Variants in ADGRA2 observed in about 807,000 individuals in gnomAD.
ADGRA2 encodes adhesion G protein-coupled receptor A2.
ADGRA2 carries 61 observed loss-of-function variants against 98.7 expected under a neutral mutation model. That is an observed-to-expected ratio of 0.62 (90% CI 0.50 to 0.76). The LOEUF is 0.76. Among genes scored for constraint, ADGRA2 ranks in the 30% least tolerant of loss-of-function variants. ADGRA2 has a pLI of 0.00. For synonymous variants in ADGRA2, 858 were observed against 831.5 expected (o/e 1.03, Z -0.55); for missense variants, 1,712 against 1,860.0 (o/e 0.92, Z 1.46).
chr8:37,826,002 C>T (rs541752013), intron 2 of ADGRA2, among the ~76,000 whole-genome samples: 4 of 152,126 alleles, frequency 2.6e-5, no homozygotes, highest in African/African-American at 9.7e-5. Flanking sequence ...TGCAGGAAAT[C>T]GAGGGCAGGA....
intron 2 of ADGRA2, among the ~76,000 whole-genome samples, chr8:37,823,188 AC>A (rs1361218744): frequency 7.6e-6 from 1 of 131,068 alleles, no homozygotes; most frequent in East Asian, 2.2e-4. Context: ...ACCATGCCCA[AC>A]CTTTTTTTTT....
Position 37,830,690 on chromosome 8 carries a change from C to G in ADGRA2, c.719-20C>G, listed in dbSNP as rs1805427689. 1.0e-5 allele frequency: 16 copies of G among 1,567,162 alleles called. No homozygotes were observed. Among genetic ancestry groups the G allele is most frequent in the Non-Finnish European group, 1.0e-5 (12 of 1,151,922 alleles). The stretch of plus-strand genomic sequence containing the variant: ...CATGCGTGTGCACTCGGGCCTCACG[C>G]CTGGTGTCTCCTCCCACAGAGGGGG... On this transcript the variant is annotated intron_variant, in intron 6 of 18. Transcript: ENST00000412232. This position sits in a 1 kb window ranked among gnomAD's most constrained non-coding sequence, Gnocchi z 4.8.
rs1461145040 is a variant in ADGRA2, at chr8:37,841,319, C to G, written c.2981C>G (p.Ala994Gly). The change falls in exon 19 of 19, where the codon GCT becomes GGT. Residue 994 changes from alanine (A) to glycine (G), a missense_variant. By Grantham distance (60) the Ala-to-Gly change is moderately conservative. Transcript: ENST00000412232. This position sits in a 1 kb window ranked among gnomAD's most constrained non-coding sequence, Gnocchi z 5.0. Reference protein sequence around the residue: ...PLLSDSGSLLATGSARVGTPG... With the variant: ...PLLSDSGSLLGTGSARVGTPG... The stretch of plus-strand genomic sequence containing the variant: ...CTGAGTGACTCAGGTTCCCTTCTTG[C>G]TACTGGGAGCGCGCGAGTGGGGACG... 6.2e-7 allele frequency: 1 copy of G among 1,607,006 alleles called. No homozygotes were observed. Among genetic ancestry groups the G allele is most frequent in the Non-Finnish European group, 8.5e-7 (1 of 1,176,890 alleles).
At position 37,814,896 on chromosome 8, in the gene ADGRA2, G is replaced by C. The variant is rs147667728; in HGVS notation, c.267G>C (p.Leu89=). The C allele has an allele frequency of 1.7e-5, 28 of 1,609,734 alleles. No homozygotes were observed. Among genetic ancestry groups the C allele is most frequent in the Middle Eastern group, 1.6e-4 (1 of 6,078 alleles). The part of the protein sequence containing the change: ...PGLLPNGTVT[L]LLSNNKITGL... ...GTCTGTGTCCTCTCTGTCTCTTCAG[G>C]CTCTTGAGCAATAACAAGATCACGG... Residue 89 remains leucine (L), a splice_region_variant and synonymous_variant, in exon 2 of 19, where the codon CTG becomes CTC. Coordinates refer to ENST00000412232, the MANE Select transcript of ADGRA2 (RefSeq NM_032777.10). The surrounding 1 kb of genome is among the most constrained non-coding windows in gnomAD (Gnocchi z 4.3).
rs1333777831 is a variant in ADGRA2 at position 37,843,733 on chromosome 8, A to G, written c.*1378A>G. 6.6e-6 allele frequency: 1 copy of G among 152,476 alleles called. No individual in the cohort carries two copies. Among genetic ancestry groups the G allele is most frequent in the Admixed American group, 6.5e-5 (1 of 15,272 alleles). The allele number at this position is 152,476 out of a possible 1,614,324, so 9.4% of individuals were successfully genotyped here. On this transcript the variant is annotated 3_prime_UTR_variant, in exon 19 of 19. Transcript: ENST00000412232. ...TGTTATTTATGCTTGCTGCACAGAC[A>G]TATTAGAAGAAAAAAAAAAGCTTTG...
chr8:37,824,410 T>G (rs1465522571), intron 2 of ADGRA2, among the ~76,000 whole-genome samples: 1 of 152,128 alleles, frequency 6.6e-6, no homozygotes, highest in Non-Finnish European at 1.5e-5. Flanking sequence ...TAGACATCCC[T>G]TATCAGATCT....
At chr8:37,813,955 G>A (rs1462533481) in intron 1 of ADGRA2, among the ~76,000 whole-genome samples, 1 of 152,180 alleles carries the variant, frequency 6.6e-6, no homozygotes, top group East Asian at 1.9e-4. Flanking sequence ...AAAGGCCCAG[G>A]GCCTGCACCT....
At chr8:37,816,321 G>A (rs1368672016) in intron 2 of ADGRA2, among the ~76,000 whole-genome samples, 9 of 151,826 alleles carry the variant, frequency 5.9e-5, no homozygotes, top group Non-Finnish European at 1.3e-4. Flanking sequence ...GGCCGGGCGC[G>A]GTGGCTCACA....
chr8:37,842,259 G>T lies in ADGRA2; in HGVS notation c.3921G>T (p.Lys1307Asn). The T allele has an allele frequency of 6.4e-7, 1 of 1,564,676 alleles. No homozygotes were observed. Among genetic ancestry groups the T allele is most frequent in the East Asian group, 2.4e-5 (1 of 41,988 alleles). ...LNAASLNGAP[K>N]GGKYDDVTLM... ...CCGCCAGCCTAAACGGCGCCCCCAA[G>T]GGGGGCAAGTACGACGACGTCACCC... is the stretch of plus-strand genomic sequence containing the variant. The change falls in exon 19 of 19, where the codon AAG (lysine) becomes AAT (asparagine). Residue 1307 changes from lysine to asparagine, a missense_variant. Coordinates refer to ENST00000412232, the MANE Select transcript of ADGRA2 (RefSeq NM_032777.10).
intron 2 of ADGRA2, among the ~76,000 whole-genome samples, chr8:37,815,236 T>C (rs1039754333): frequency 6.6e-6 from 1 of 152,224 alleles, no homozygotes. Flanking sequence ...TAACGCTCTT[T>C]AATGAGCAAT....
At chr8:37,815,690 C>T (rs1000575361) in intron 2 of ADGRA2, among the ~76,000 whole-genome samples, 6 of 152,184 alleles carry the variant, frequency 3.9e-5, no homozygotes, top group Non-Finnish European at 7.4e-5. Flanking sequence ...AGAGTGTTCA[C>T]GGGGCTCATG....
chr8:37,844,465 A>G lies in ADGRA2; in HGVS notation c.*2110A>G, dbSNP rs1805910872. On this transcript the variant is annotated 3_prime_UTR_variant, in exon 19 of 19. Coordinates refer to ENST00000412232, the MANE Select transcript of ADGRA2 (RefSeq NM_032777.10). ...AATGTTATCAAGCTGTCAGAACAGG[A>G]TGAAGTGCTCCCAGTGGATATCCAT... 6.2e-7 allele frequency: 1 copy of G among 1,606,474 alleles called. No individual in the cohort carries two copies. The highest frequency in any genetic ancestry group is 1.7e-5 in the Admixed American group (1 of 59,832).
Position 37,796,995 on chromosome 8 carries a change from C to G in ADGRA2, c.-274C>G, listed in dbSNP as rs1249319222. On this transcript the variant is annotated 5_prime_UTR_variant, in exon 1 of 19. Transcript: ENST00000412232. Reference sequence around the variant, plus strand: ...CGCGGAGGGGCCGGGCCTCCAGTGTCCCGAGGGCCGGGCGCTGAGACTCCG... The same window carrying G: ...CGCGGAGGGGCCGGGCCTCCAGTGTGCCGAGGGCCGGGCGCTGAGACTCCG... The G allele has an allele frequency of 5.9e-6, 1 of 168,746 alleles. No individual in the cohort carries two copies. The highest frequency in any genetic ancestry group is 1.3e-5 in the Non-Finnish European group (1 of 79,530). The allele number at this position is 168,746 out of a possible 1,614,324, so 10.5% of individuals were successfully genotyped here.
chr8:37,819,223 C>T (rs908779258), intron 2 of ADGRA2, among the ~76,000 whole-genome samples: 3 of 152,168 alleles, frequency 2.0e-5, no homozygotes, highest in African/African-American at 7.2e-5. Context: ...GACCCAGTGA[C>T]AGGGCCAGGC....
rs1465409987 is a variant in ADGRA2 at position 37,842,161 on chromosome 8, G to C, written c.3823G>C (p.Ala1275Pro). 2 of 1,525,620 alleles carry C rather than the reference G, an allele frequency of 1.3e-6. No individual in the cohort carries two copies. Among genetic ancestry groups the C allele is most frequent in the Admixed American group, 2.1e-5 (1 of 48,172 alleles). The allele number at this position is 1,525,620 out of a possible 1,614,324, so 94.5% of individuals were successfully genotyped here. ...GGGCCGGGCAGGCCAGCGCCGCAGC[G>C]CCAGCCGCGACAGTCTCAAGGGCGG... ...EAGRAGQRRS[A>P]SRDSLKGGGA... The change falls in exon 19 of 19, where the codon GCC becomes CCC. Residue 1275 changes from alanine to proline, a missense_variant. By Grantham distance (27) the Ala-to-Pro change is conservative. Transcript: ENST00000412232.
At chr8:37,815,511 A>AG (rs1804954223) in intron 2 of ADGRA2, among the ~76,000 whole-genome samples, 2 of 152,232 alleles carry the variant, frequency 1.3e-5, no homozygotes, top group African/African-American at 4.8e-5. Flanking sequence ...TGAGGCTGCC[A>AG]GCCAGGTCTG....
intron 2 of ADGRA2, among the ~76,000 whole-genome samples, chr8:37,822,109 A>G (rs1004265673): frequency 2.2e-4 from 33 of 152,118 alleles, no homozygotes; most frequent in African/African-American, 7.5e-4. Context: ...TGCTCAATAA[A>G]TAACCTGTGG....
At chr8:37,826,662 G>T (rs968069386) in intron 2 of ADGRA2, among the ~76,000 whole-genome samples, 1 of 152,190 alleles carries the variant, frequency 6.6e-6, no homozygotes. Context: ...CCCCAAGCGG[G>T]ACTGTGCACA....
At chr8:37,836,012 A>C (rs1805600931) in intron 13 of ADGRA2, among the ~76,000 whole-genome samples, 1 of 149,424 alleles carries the variant, frequency 6.7e-6, no homozygotes, top group Admixed American at 6.7e-5. Flanking sequence ...TTCAATTTCA[A>C]GAGGGCTATG....
Sources: gnomAD v4.1 joint callset for allele counts (sites outside exome capture counted in the v4.1 genomes callset) on GRCh38, gnomAD v4.1.1 for gene constraint, Gnocchi (gnomAD v3.1) non-coding constraint, MANE v1.5 for transcripts, NCBI Gene and HGNC (gene_info 2026-07-23, HGNC 2026-07-21) for gene names.